The following GRID2 variants were observed in gnomAD, a reference collection of about 807,000 sequenced individuals.
The protein encoded by GRID2 is glutamate ionotropic receptor delta type subunit 2.
Under a neutral mutation model 114.8 loss-of-function variants are expected in GRID2, and 33 were observed. The ratio of observed to expected loss-of-function variants is 0.29; its 90% CI spans 0.22 to 0.38. The LOEUF is 0.38. GRID2 is among the 10% of genes least tolerant of loss of function. GRID2 has a pLI of 1.00. For missense variants in GRID2, 1,184 were observed against 1,257.7 expected (o/e 0.94, Z 0.89); for synonymous variants, 505 against 449.9 (o/e 1.12, Z -1.55).
chr4:92,867,719 A>G (rs1578346012), intron 2 of GRID2, among the ~76,000 whole-genome samples: 1 of 152,072 alleles, frequency 6.6e-6, no homozygotes, highest in East Asian at 1.9e-4. Context: ...ATTCCAGGGT[A>G]TCTGTCGTAC....
chr4:92,428,123 G>A (rs1464449330), intron 1 of GRID2, among the ~76,000 whole-genome samples: 1 of 151,970 alleles, frequency 6.6e-6, no homozygotes, highest in East Asian at 1.9e-4. Context: ...TTAGCCGGGC[G>A]TGGTGAGGGG....
intron 2 of GRID2, among the ~76,000 whole-genome samples, chr4:92,820,398 C>T (rs1741201679): frequency 6.6e-6 from 1 of 152,086 alleles, no homozygotes; most frequent in Non-Finnish European, 1.5e-5. Context: ...GTCAGAGAAA[C>T]AGTTAAGATA....
At chr4:93,207,527 T>C (rs1742950700) in intron 5 of GRID2, 70 bp downstream of exon 5, 1 of 956,714 alleles carries the variant, frequency 1.0e-6, no homozygotes, top group South Asian at 1.4e-5. Flanking sequence ...GCATTTCCAA[T>C]GGCCTTGAAT....
chr4:92,994,926 CG>C (rs1187886413), intron 2 of GRID2, among the ~76,000 whole-genome samples: 1 of 152,098 alleles, frequency 6.6e-6, no homozygotes, highest in African/African-American at 2.4e-5. Flanking sequence ...GACTTCACAT[CG>C]ATAGCCAGCC....
chr4:92,641,777 A>G (rs1344677010), intron 2 of GRID2, among the ~76,000 whole-genome samples: 2 of 151,474 alleles, frequency 1.3e-5, no homozygotes, highest in Admixed American at 6.6e-5. Flanking sequence ...TTTACGATGC[A>G]TGCCCCCTCC....
intron 1 of GRID2, among the ~76,000 whole-genome samples, chr4:92,346,631 C>T (rs1225213038): frequency 2.0e-5 from 3 of 152,166 alleles, no homozygotes; most frequent in South Asian, 2.1e-4. Context: ...TCTGGGATTA[C>T]AGGCATGAGC....
intron 2 of GRID2, among the ~76,000 whole-genome samples, chr4:92,817,586 A>AT (rs1740993750): frequency 6.6e-6 from 1 of 151,348 alleles, no homozygotes; most frequent in South Asian, 2.1e-4. Context: ...ATGCTTCCTT[A>AT]TTTTTTCAAA....
At chr4:93,757,153 G>T (rs1732821032) in intron 14 of GRID2, among the ~76,000 whole-genome samples, 1 of 152,038 alleles carries the variant, frequency 6.6e-6, no homozygotes, top group South Asian at 2.1e-4. Context: ...ATGTGTCAGA[G>T]GTTAGAAATA....
chr4:92,544,750 A>G lies in GRID2; in HGVS notation c.89-45381A>G, dbSNP rs557602322. Among the ~76,000 whole-genome samples, 96 of 152,262 alleles carry G rather than the reference A, an allele frequency of 6.3e-4. 3 individuals are homozygous for G. The South Asian group carries it at 0.019, about 30-fold the overall frequency. On this transcript the variant is annotated intron_variant, in intron 1 of 15. Transcript: ENST00000282020. ...ATTTTCCATTAACTTTCAGTAACCAATATTATGTGTTAGCTTTATCTGGAA... is the reference window on the plus strand; with the variant it reads ...ATTTTCCATTAACTTTCAGTAACCAGTATTATGTGTTAGCTTTATCTGGAA...
chr4:93,628,992 C>T (rs1742996732), intron 14 of GRID2, among the ~76,000 whole-genome samples: 1 of 152,098 alleles, frequency 6.6e-6, no homozygotes, highest in South Asian at 2.1e-4. Flanking sequence ...GTCTTGAACT[C>T]CTGATATCAG....
At chr4:92,423,822 A>AT (rs1364567992) in intron 1 of GRID2, among the ~76,000 whole-genome samples, 5 of 152,080 alleles carry the variant, frequency 3.3e-5, no homozygotes, top group African/African-American at 1.2e-4. Context: ...AGAAATGATG[A>AT]TGAAGATGAG....
intron 1 of GRID2, among the ~76,000 whole-genome samples, chr4:92,342,467 G>C (rs1727545650): frequency 6.6e-6 from 1 of 152,138 alleles, no homozygotes; most frequent in Admixed American, 6.5e-5. Context: ...AATTAGAGAA[G>C]TCAGTGATCT....
intron 11 of GRID2, among the ~76,000 whole-genome samples, chr4:93,466,581 G>T (rs187333026): frequency 6.6e-6 from 1 of 152,114 alleles, no homozygotes. Context: ...GGATCATTGG[G>T]TCATTACCAT....
rs544200709 is a variant in GRID2, at chr4:93,099,221, G to T, written c.530-11527G>T. On this transcript the variant is annotated intron_variant, in intron 3 of 15. Transcript: ENST00000282020. ...ACACATGTACCTCCTTTTTTGGTTT[G>T]AAAGCAATCTTACTTATAAGAAAAA... Among the ~76,000 whole-genome samples, 3 of 151,706 alleles carry T rather than the reference G, an allele frequency of 2.0e-5. No homozygotes were observed. In the Middle Eastern group the frequency reaches 0.01, roughly 520 times the overall value.
At chr4:93,581,358 T>C (rs975120900) in intron 13 of GRID2, among the ~76,000 whole-genome samples, 2 of 152,148 alleles carry the variant, frequency 1.3e-5, no homozygotes, top group Non-Finnish European at 2.9e-5. Context: ...GAGTTATTTG[T>C]AGAATAAAAC....
At chr4:93,567,181 C>T (rs888575112) in intron 13 of GRID2, among the ~76,000 whole-genome samples, 1 of 152,150 alleles carries the variant, frequency 6.6e-6, no homozygotes, top group East Asian at 1.9e-4. Flanking sequence ...AAATACAAAT[C>T]ATGATTATTT....
chr4:93,281,412 C>T (rs1295544976), intron 8 of GRID2, among the ~76,000 whole-genome samples: 1 of 151,770 alleles, frequency 6.6e-6, no homozygotes, highest in Non-Finnish European at 1.5e-5. Flanking sequence ...AGGGAGAGAA[C>T]AGTCATTGCA....
chr4:93,649,370 T>A lies in GRID2; in HGVS notation c.2360+22935T>A, dbSNP rs114868911. ...CAATATCCTACTTGGCCACTCTCCT[T>A]ATCCCAGTAAAGTTTCATTTATTTT... On this transcript the variant is annotated intron_variant, in intron 14 of 15. Coordinates refer to ENST00000282020, the MANE Select transcript of GRID2 (RefSeq NM_001510.4). 8.0e-3 allele frequency among the ~76,000 whole-genome samples: 1,218 copies of A among 152,274 alleles called. 18 individuals carry two copies. Among genetic ancestry groups the A allele is most frequent in the African/African-American group, 0.027 (1,136 of 41,550 alleles).
At chr4:93,596,726 G>T (rs1391925572) in intron 13 of GRID2, among the ~76,000 whole-genome samples, 1 of 152,168 alleles carries the variant, frequency 6.6e-6, no homozygotes, top group African/African-American at 2.4e-5. Flanking sequence ...TGATTAATAA[G>T]TGTCTGATTT....
Sources: gnomAD v4.1 joint callset for allele counts (sites outside exome capture counted in the v4.1 genomes callset) on GRCh38, gnomAD v4.1.1 for gene constraint, MANE v1.5 for transcripts, NCBI Gene and HGNC (gene_info 2026-07-23, HGNC 2026-07-21) for gene names.